Variants in MLLT11 observed in about 807,000 individuals in gnomAD.
The protein encoded by MLLT11 is MLLT11 transcription factor 7 cofactor, also known as protein AF1q.
Under a neutral mutation model 5.3 loss-of-function variants are expected in MLLT11, and 1 was observed. That is an observed-to-expected ratio of 0.19 (90% CI 0.07 to 0.89). The LOEUF (loss-of-function observed/expected upper bound fraction) is 0.89. Ranked by LOEUF, MLLT11 falls within the 40% of genes least tolerant of loss-of-function variation. The pLI is 0.67. For missense variants in MLLT11, 87 were observed against 107.3 expected, an observed-to-expected ratio of 0.81 and a Z score of 0.83; for synonymous variants, 38 against 41.7, an observed-to-expected ratio of 0.91 and a Z score of 0.34.
rs1676535552 is a variant in MLLT11, at chr1:151,069,361, G to A, written c.*1864G>A. ...AAAAAAAGACAAATCCTCCCTCTAGGCCATGAAAAGCCCACATCTAAAGAC... is the reference window on the plus strand; with the variant it reads ...AAAAAAAGACAAATCCTCCCTCTAGACCATGAAAAGCCCACATCTAAAGAC... On this transcript the variant is annotated 3_prime_UTR_variant, in exon 2 of 2. Coordinates refer to ENST00000368921, the MANE Select transcript of MLLT11 (RefSeq NM_006818.4). Among the ~76,000 whole-genome samples, 1 of 152,110 alleles carries A rather than the reference G, an allele frequency of 6.6e-6. No individual in the cohort carries two copies.
At chr1:151,065,659 T>C (rs16832976) in intron 1 of MLLT11, among the ~76,000 whole-genome samples, 13,369 of 152,144 alleles carry the variant, frequency 0.088, 734 homozygotes, top group African/African-American at 0.15. Flanking sequence ...GGTGAGTTTA[T>C]AGTAGGATTT....
Position 151,067,823 on chromosome 1 carries a change from G to C in MLLT11, c.*326G>C, listed in dbSNP as rs1313959078. ...GTATAGTAGTGCAAAATGGAAGACTGATTTTTGACTCTATTATAATCAGCT... is the reference window on the plus strand; with the variant it reads ...GTATAGTAGTGCAAAATGGAAGACTCATTTTTGACTCTATTATAATCAGCT... On this transcript the variant is annotated 3_prime_UTR_variant, in exon 2 of 2. Coordinates refer to ENST00000368921, the MANE Select transcript of MLLT11 (RefSeq NM_006818.4). The C allele has an allele frequency of 3.1e-6, 1 of 325,334 alleles. No homozygotes were observed. The highest frequency in any genetic ancestry group is 6.0e-6 in the Non-Finnish European group (1 of 167,026). 20.2% of individuals were successfully genotyped at this position (325,334 alleles called of 1,614,324 possible).
Position 151,068,975 on chromosome 1 carries a change from G to A in MLLT11, c.*1478G>A, listed in dbSNP as rs1465537319. Among the ~76,000 whole-genome samples the A allele has an allele frequency of 6.6e-6, 1 of 152,184 alleles. No individual in the cohort carries two copies. The highest frequency in any genetic ancestry group is 1.5e-5 in the Non-Finnish European group (1 of 68,034). ...TAGATGGTGAACTTCGCATTGAACA[G>A]ATAATGAAAGGGCAAAATCAACTTA... On this transcript the variant is annotated 3_prime_UTR_variant, in exon 2 of 2. Coordinates refer to ENST00000368921, the MANE Select transcript of MLLT11 (RefSeq NM_006818.4).
At chr1:151,067,100 GAAAAA>G in intron 1 of MLLT11, 114 bp from the exon 2 acceptor site, 8 of 645,396 alleles carry the variant, frequency 1.2e-5, no homozygotes, top group East Asian at 3.2e-5. Context: ...TTCTTTAATA[GAAAAA>G]AAAAAAAAAA....
At chr1:151,062,355 C>T (rs896998090) in intron 1 of MLLT11, among the ~76,000 whole-genome samples, 1 of 150,720 alleles carries the variant, frequency 6.6e-6, no homozygotes, top group Non-Finnish European at 1.5e-5. Context: ...TTTTTCCCCC[C>T]ATGATTCTAT....
chr1:151,067,323 A>G lies in MLLT11; in HGVS notation c.99A>G (p.Ser33=), dbSNP rs145607761. The change falls in exon 2 of 2, where the codon TCA becomes TCG. Residue 33 remains serine, a synonymous_variant. Transcript: ENST00000368921. The stretch of plus-strand genomic sequence containing the variant: ...CGGAGCTGGAAGGCCTGGGTCTGTC[A>G]GATACAGCCACCTACAAGGTCAAAG... ...DLSELEGLGL[S]DTATYKVKDS... The G allele has an allele frequency of 2.1e-3, 3,434 of 1,614,118 alleles. 7 individuals are homozygous for G. Among genetic ancestry groups the G allele is most frequent in the Non-Finnish European group, 2.5e-3 (2,907 of 1,180,026 alleles).
rs897054089 is a variant in MLLT11 at position 151,068,772 on chromosome 1, A to G, written c.*1275A>G. Among the ~76,000 whole-genome samples, 9 of 151,978 alleles carry G rather than the reference A, an allele frequency of 5.9e-5. No individual in the cohort carries two copies. Among genetic ancestry groups the G allele is most frequent in the African/African-American group, 2.2e-4 (9 of 41,384 alleles). ...GTTAATTTTTGTATTTTTCATAGAG[A>G]CGGGGTTTCACCATGTTGGCCAGGC... On this transcript the variant is annotated 3_prime_UTR_variant, in exon 2 of 2. Transcript: ENST00000368921.
intron 1 of MLLT11, among the ~76,000 whole-genome samples, chr1:151,065,533 G>A (rs748395236): frequency 6.6e-6 from 1 of 152,192 alleles, no homozygotes; most frequent in Non-Finnish European, 1.5e-5. Flanking sequence ...CATTAACAGT[G>A]ATCTGTAATC....
At chr1:151,066,396 C>A (rs1470053073) in intron 1 of MLLT11, among the ~76,000 whole-genome samples, 1 of 152,104 alleles carries the variant, frequency 6.6e-6, no homozygotes, top group African/African-American at 2.4e-5. Flanking sequence ...ACTCTGCCTC[C>A]CAAACTTCTG....
At chr1:151,063,662 T>C (rs1676437683) in intron 1 of MLLT11, among the ~76,000 whole-genome samples, 1 of 152,162 alleles carries the variant, frequency 6.6e-6, no homozygotes, top group African/African-American at 2.4e-5. Context: ...CCTGACCTCG[T>C]GATCCACCCG....
intron 1 of MLLT11, among the ~76,000 whole-genome samples, chr1:151,063,245 G>A (rs1676430657): frequency 6.6e-6 from 1 of 152,042 alleles, no homozygotes; most frequent in Admixed American, 6.5e-5. Context: ...ACATTATACT[G>A]GAGCATTTTG....
At position 151,068,864 on chromosome 1, in the gene MLLT11, C is replaced by A. The variant is rs191281757; in HGVS notation, c.*1367C>A. 6.6e-6 allele frequency among the ~76,000 whole-genome samples: 1 copy of A among 152,182 alleles called. No homozygotes were observed. The highest frequency in any genetic ancestry group is 1.5e-5 in the Non-Finnish European group (1 of 68,050). ...CCTCTCAAAGTGCTGAGATTACAGG[C>A]GTGAGCCACTGAGCCCGGCCTCATT... On this transcript the variant is annotated 3_prime_UTR_variant, in exon 2 of 2. Coordinates refer to ENST00000368921, the MANE Select transcript of MLLT11 (RefSeq NM_006818.4).
chr1:151,063,511 C>T (rs1403139680), intron 1 of MLLT11, among the ~76,000 whole-genome samples: 2 of 152,114 alleles, frequency 1.3e-5, no homozygotes, highest in Non-Finnish European at 2.9e-5. Flanking sequence ...CCGCAAGCTC[C>T]GCCTCCCAGG....
At chr1:151,060,728 A>G (rs902868943) in intron 1 of MLLT11, among the ~76,000 whole-genome samples, 175 bp downstream of exon 1, 1 of 152,204 alleles carries the variant, frequency 6.6e-6, no homozygotes, top group Non-Finnish European at 1.5e-5. Context: ...CCTTATACAG[A>G]CCATTAATCT....
intron 1 of MLLT11, among the ~76,000 whole-genome samples, chr1:151,065,733 G>A (rs74125082): frequency 0.032 from 4,818 of 152,320 alleles, 257 homozygotes; most frequent in African/African-American, 0.11. Flanking sequence ...CATACCATGA[G>A]CTATTAAACC....
intron 1 of MLLT11, among the ~76,000 whole-genome samples, chr1:151,066,646 C>T (rs1445929815): frequency 6.6e-6 from 1 of 152,206 alleles, no homozygotes; most frequent in Non-Finnish European, 1.5e-5. Context: ...GAAATTCGGC[C>T]GGGCGCGGTG....
Position 151,065,012 on chromosome 1 carries a change from G to T in MLLT11, c.-6-2207G>T, listed in dbSNP as rs139705293. Among the ~76,000 whole-genome samples the T allele has an allele frequency of 4.5e-3, 682 of 152,282 alleles. 16 individuals are homozygous for T. The highest frequency in any genetic ancestry group is 0.016 in the East Asian group (85 of 5,180). ...AATGATAGATGTAAAGATAGATGAA[G>T]TAGGGGTGGAGAGCATTTGTGGAGG... is the stretch of plus-strand genomic sequence containing the variant. On this transcript the variant is annotated intron_variant, in intron 1 of 1. Coordinates refer to ENST00000368921, the MANE Select transcript of MLLT11 (RefSeq NM_006818.4).
rs754619770 is a variant in MLLT11, at chr1:151,067,222, G to T, written c.-3G>T. The T allele has an allele frequency of 1.9e-6, 3 of 1,612,196 alleles. No individual in the cohort carries two copies. In the African/African-American group the frequency reaches 4.0e-5, roughly 22 times the overall value. On this transcript the variant is annotated 5_prime_UTR_variant, in exon 2 of 2. Transcript: ENST00000368921. ...CTGACAAGTGGTTTCTTTCTAGGAA[G>T]CTATGAGGGACCCTGTGAGTAGCCA...
intron 1 of MLLT11, among the ~76,000 whole-genome samples, chr1:151,063,685 A>G (rs1221217366): frequency 2.6e-5 from 4 of 152,350 alleles, no homozygotes; most frequent in South Asian, 4.1e-4. Flanking sequence ...TCGGCCTCCC[A>G]AAGTGCTGGG....
Sources: allele counts gnomAD v4.1 joint callset (sites outside exome capture counted in the v4.1 genomes callset), GRCh38; gene constraint gnomAD v4.1.1; transcripts MANE v1.5; gene names NCBI Gene and HGNC (gene_info 2026-07-23, HGNC 2026-07-21).